The following RBFOX1 variants were observed in gnomAD, a reference collection of about 807,000 sequenced individuals.
The protein encoded by RBFOX1 is RNA binding fox-1 homolog 1.
A neutral mutation model predicts 57.7 loss-of-function variants in RBFOX1; 8 were observed. That is an observed-to-expected ratio of 0.14 (90% CI 0.08 to 0.25). The LOEUF (loss-of-function observed/expected upper bound fraction) is 0.25, where lower values mean the gene tolerates loss of function less well. RBFOX1 is among the 10% of genes least tolerant of loss of function. The pLI is 1.00. For synonymous variants in RBFOX1, 326 were observed against 222.4 expected, an observed-to-expected ratio of 1.47 and a Z score of -4.15; for missense variants, 611 against 548.5, an observed-to-expected ratio of 1.11 and a Z score of -1.14.
At chr16:5,323,541 G>A (rs2064473270) in intron 1 of RBFOX1, among the ~76,000 whole-genome samples, 1 of 152,252 alleles carries the variant, frequency 6.6e-6, no homozygotes, top group South Asian at 2.1e-4. Context: ...CTCTGCAGAT[G>A]CATTGCTCTG....
At chr16:5,774,361 T>A (rs2054078433) in intron 3 of RBFOX1, among the ~76,000 whole-genome samples, 1 of 152,244 alleles carries the variant, frequency 6.6e-6, no homozygotes, top group South Asian at 2.1e-4. Flanking sequence ...ATATCATTTC[T>A]TATGGTGATA....
chr16:5,518,093 C>A (rs2043861639), intron 2 of RBFOX1, among the ~76,000 whole-genome samples: 1 of 152,118 alleles, frequency 6.6e-6, no homozygotes, highest in East Asian at 1.9e-4. Context: ...ATGCCTTATG[C>A]TTGTTGCTGT....
At chr16:6,713,139 T>C (rs1309944464) in intron 3 of RBFOX1, among the ~76,000 whole-genome samples, 1 of 152,106 alleles carries the variant, frequency 6.6e-6, no homozygotes, top group Non-Finnish European at 1.5e-5. Context: ...CAGCAGTGTG[T>C]GAGAATGGAC....
At chr16:7,372,828 G>C (rs1346371161) in intron 4 of RBFOX1, among the ~76,000 whole-genome samples, 3 of 152,044 alleles carry the variant, frequency 2.0e-5, no homozygotes, top group African/African-American at 4.8e-5. Context: ...GACAGAGAGA[G>C]AGAAGTTATA....
intron 2 of RBFOX1, among the ~76,000 whole-genome samples, chr16:6,646,377 G>T (rs1433347723): frequency 6.6e-6 from 1 of 152,126 alleles, no homozygotes; most frequent in Non-Finnish European, 1.5e-5. Flanking sequence ...AATCCAGCAT[G>T]GGTTTAGTAA....
intron 1 of RBFOX1, among the ~76,000 whole-genome samples, chr16:5,438,945 AG>A (rs2067999553): frequency 2.0e-5 from 3 of 149,518 alleles, no homozygotes; most frequent in Admixed American, 6.7e-5. Flanking sequence ...GTGGATGGGG[AG>A]GTGGTAAGGA....
In RBFOX1 at chr16:5,340,875, C is replaced by G. The variant is rs139893312; in HGVS notation, c.219+100770C>G. Among the ~76,000 whole-genome samples, 510 of 152,210 alleles carry G rather than the reference C, an allele frequency of 3.4e-3. 1 individual carries two copies. Among genetic ancestry groups the G allele is most frequent in the African/African-American group, 0.012 (490 of 41,528 alleles). ...CTACAGTTCCAGACAGTGATGAGGA[C>G]TCAGGAGAGAAAGACAGCTGGGTAA... On this transcript the variant is annotated intron_variant, in intron 1 of 2. Coordinates refer to the RBFOX1 transcript ENST00000585867.
chr16:7,214,190 C>A (rs2091641384), intron 4 of RBFOX1, among the ~76,000 whole-genome samples: 2 of 152,268 alleles, frequency 1.3e-5, no homozygotes, highest in Middle Eastern at 3.4e-3. Flanking sequence ...GTAGACCCTT[C>A]ATTTATCCTA....
chr16:6,861,131 G>C (rs1414214929), intron 3 of RBFOX1, among the ~76,000 whole-genome samples: 2 of 152,072 alleles, frequency 1.3e-5, no homozygotes, highest in Non-Finnish European at 2.9e-5. Flanking sequence ...TACGGCATTT[G>C]CTCCAGCATC....
At chr16:7,071,639 G>C (rs1567153167) in intron 4 of RBFOX1, among the ~76,000 whole-genome samples, 2 of 148,692 alleles carry the variant, frequency 1.3e-5, no homozygotes, top group South Asian at 2.1e-4. Context: ...ACATAACCTG[G>C]GTAATTTATA....
At chr16:7,468,756 A>G (rs910965153) in intron 4 of RBFOX1, among the ~76,000 whole-genome samples, 1 of 152,014 alleles carries the variant, frequency 6.6e-6, no homozygotes, top group African/African-American at 2.4e-5. Flanking sequence ...GATTTAGGAG[A>G]TTGTCTGGCT....
intron 2 of RBFOX1, among the ~76,000 whole-genome samples, chr16:6,603,874 T>C (rs1459154872): frequency 2.0e-5 from 3 of 152,198 alleles, no homozygotes; most frequent in African/African-American, 7.2e-5. Context: ...GAGTTGCTTC[T>C]GTAGAGTTTT....
At position 7,711,541 on chromosome 16, in the gene RBFOX1, A is replaced by T. The variant is rs1342758863; in HGVS notation, c.*796A>T. ...TATTGATATCACTGCTGACTTTTAT[A>T]TTATGGGAGGGAAAAAATAACATTA... On this transcript the variant is annotated 3_prime_UTR_variant, in exon 16 of 16. Transcript: ENST00000550418. 5.2e-5 allele frequency: 8 copies of T among 152,550 alleles called. 1 individual carries two copies. The highest frequency in any genetic ancestry group is 1.5e-5 in the Non-Finnish European group (1 of 68,000). The allele number at this position is 152,550 out of a possible 1,614,324, so 9.4% of individuals were successfully genotyped here.
intron 2 of RBFOX1, among the ~76,000 whole-genome samples, chr16:6,527,453 C>A (rs917149239): frequency 9.2e-5 from 14 of 152,080 alleles, no homozygotes; most frequent in Admixed American, 9.2e-4. Flanking sequence ...GTCTATGTTG[C>A]CAGCCTGTGA....
At chr16:7,272,465 T>C (rs879258078) in intron 4 of RBFOX1, among the ~76,000 whole-genome samples, 3 of 152,226 alleles carry the variant, frequency 2.0e-5, no homozygotes, top group Non-Finnish European at 2.9e-5. Context: ...ATTACAGGCA[T>C]CAGCCACCAT....
chr16:5,342,117 A>G (rs1030976307), intron 1 of RBFOX1, among the ~76,000 whole-genome samples: 3 of 152,144 alleles, frequency 2.0e-5, no homozygotes, highest in Admixed American at 1.3e-4. Flanking sequence ...CTGTTGACCT[A>G]TTGGAGAGGC....
At chr16:5,508,504 C>T (rs139961030) in intron 2 of RBFOX1, among the ~76,000 whole-genome samples, 1,714 of 152,316 alleles carry the variant, frequency 0.011, 16 homozygotes, top group Middle Eastern at 0.024. Context: ...ACAGGTCCTG[C>T]CCACTCCCGA....
Position 5,340,998 on chromosome 16 carries a change from T to C in RBFOX1, c.219+100893T>C, listed in dbSNP as rs189401016. Among the ~76,000 whole-genome samples, 410 of 152,274 alleles carry C rather than the reference T, an allele frequency of 2.7e-3. 1 individual carries two copies. Among genetic ancestry groups the C allele is most frequent in the Non-Finnish European group, 4.7e-3 (319 of 68,020 alleles). On this transcript the variant is annotated intron_variant, in intron 1 of 2. Transcript: ENST00000585867. Reference sequence around the variant, plus strand: ...CATTTAAGCAGTGACCTGTGTGATATGAGGGAGCTGAATAACCCAGATACC... The same window carrying C: ...CATTTAAGCAGTGACCTGTGTGATACGAGGGAGCTGAATAACCCAGATACC...
intron 3 of RBFOX1, among the ~76,000 whole-genome samples, chr16:6,804,507 A>G (rs571002485): frequency 6.6e-6 from 1 of 152,184 alleles, no homozygotes; most frequent in African/African-American, 2.4e-5. Flanking sequence ...AGGTGCATAA[A>G]TAATCTTCAT....
Sources: allele counts gnomAD v4.1 joint callset (sites outside exome capture counted in the v4.1 genomes callset), GRCh38; gene constraint gnomAD v4.1.1; transcripts MANE v1.5; gene names NCBI Gene and HGNC (gene_info 2026-07-23, HGNC 2026-07-21).